Variants in SV2C observed in about 807,000 individuals in gnomAD.
The protein encoded by SV2C is synaptic vesicle glycoprotein 2C.
A neutral mutation model predicts 79.7 loss-of-function variants in SV2C; 49 were observed. The ratio of observed to expected loss-of-function variants is 0.61; its 90% CI spans 0.49 to 0.78. SV2C has a LOEUF of 0.78. Among genes scored for constraint, SV2C ranks in the 30% least tolerant of loss-of-function variants. SV2C has a pLI of 0.00. For missense variants in SV2C, 833 were observed against 912.9 expected (o/e 0.91, Z 1.13); for synonymous variants, 334 against 333.2 (o/e 1.00, Z -0.03).
intron 2 of SV2C, among the ~76,000 whole-genome samples, chr5:76,182,968 AGAG>A (rs1743793495): frequency 3.3e-5 from 5 of 149,564 alleles, no homozygotes. Flanking sequence ...ACAGAGAGAG[AGAG>A]AGAGAGTAGG....
chr5:76,158,040 T>A lies in SV2C; in HGVS notation c.580+25710T>A, dbSNP rs372081942. 2.0e-5 allele frequency among the ~76,000 whole-genome samples: 3 copies of A among 150,906 alleles called. 1 individual carries two copies. In the East Asian group the frequency reaches 5.8e-4, roughly 29 times the overall value. ...CCACTAAGAAAATGATTTTTTAAAG[T>A]AGTAAAAAAAAAATCCTTAAAGAAA... On this transcript the variant is annotated intron_variant, in intron 2 of 12. Transcript: ENST00000502798.
At chr5:75,885,860 A>G in the SV2C span, among the ~76,000 whole-genome samples, 1 of 152,108 alleles carries the variant, frequency 6.6e-6, no homozygotes, top group Non-Finnish European at 1.5e-5. Context: ...GCATGTCCCA[A>G]ATCAATGGGA....
chr5:76,213,119 C>G (rs778495157), intron 4 of SV2C, among the ~76,000 whole-genome samples: 6 of 152,062 alleles, frequency 3.9e-5, no homozygotes, highest in Non-Finnish European at 5.9e-5. Flanking sequence ...TGAGTAATGT[C>G]AATATGAAAA....
chr5:76,022,393 A>G, the SV2C span, among the ~76,000 whole-genome samples: 5 of 152,216 alleles, frequency 3.3e-5, no homozygotes, highest in African/African-American at 9.6e-5. Context: ...CATGCATTAT[A>G]ACAAATTGCA....
the SV2C span, among the ~76,000 whole-genome samples, chr5:76,042,464 CCCTT>C: frequency 6.6e-6 from 1 of 152,180 alleles, no homozygotes; most frequent in Admixed American, 6.5e-5. Context: ...AATGTTGAGG[CCCTT>C]CCTTCAAAAC....
intron 1 of SV2C, among the ~76,000 whole-genome samples, chr5:76,107,718 G>T (rs563931007): frequency 6.6e-6 from 1 of 152,100 alleles, no homozygotes; most frequent in Admixed American, 6.6e-5. Flanking sequence ...GCCAGACATG[G>T]TGGTGTGTGC....
intron 3 of SV2C, among the ~76,000 whole-genome samples, chr5:76,196,246 A>C (rs1744268315): frequency 6.6e-6 from 1 of 152,238 alleles, no homozygotes; most frequent in East Asian, 1.9e-4. Context: ...ATACTTGACT[A>C]AGTTGCACAA....
chr5:76,061,268 T>TAAAA, the SV2C span, among the ~76,000 whole-genome samples: 182 of 51,556 alleles, frequency 3.5e-3, 8 homozygotes, highest in East Asian at 0.061. Context: ...CTTCAATTTG[T>TAAAA]AAAAAAAAAA....
intron 1 of SV2C, among the ~76,000 whole-genome samples, chr5:76,100,798 T>C (rs1055456369): frequency 1.3e-5 from 2 of 152,206 alleles, no homozygotes; most frequent in African/African-American, 2.4e-5. Context: ...TCAGCACTAC[T>C]GACATTTTGG....
At chr5:76,154,064 C>T (rs991875994) in intron 2 of SV2C, among the ~76,000 whole-genome samples, 1 of 152,160 alleles carries the variant, frequency 6.6e-6, no homozygotes, top group African/African-American at 2.4e-5. Context: ...ACCACAGAGT[C>T]TGTTACCTTA....
chr5:75,850,364 T>C, the SV2C span, among the ~76,000 whole-genome samples: 1 of 152,224 alleles, frequency 6.6e-6, no homozygotes, highest in Admixed American at 6.5e-5. Context: ...TTCTATCAAT[T>C]TGTTATATAT....
At position 76,176,240 on chromosome 5, in the gene SV2C, C is replaced by A. The variant is rs544111083; in HGVS notation, c.581-18679C>A. On this transcript the variant is annotated intron_variant, in intron 2 of 12. Transcript: ENST00000502798. Reference sequence around the variant, plus strand: ...GAAAATAGGAAGTGGCCTGGAGGTTCTCAGTTCGGGGGAGAATGGTTGTGC... The same window carrying A: ...GAAAATAGGAAGTGGCCTGGAGGTTATCAGTTCGGGGGAGAATGGTTGTGC... Among the ~76,000 whole-genome samples, 18 of 152,246 alleles carry A rather than the reference C, an allele frequency of 1.2e-4. No homozygotes were observed. In the South Asian group the frequency reaches 3.7e-3, roughly 32 times the overall value.
Position 76,150,927 on chromosome 5 carries a change from A to G in SV2C, c.580+18597A>G, listed in dbSNP as rs553384717. ...AGTGTTGGCATTACAGGCTTGAAACATGGCACTCAGCCCATTCACCAGATT... is the reference window on the plus strand; with the variant it reads ...AGTGTTGGCATTACAGGCTTGAAACGTGGCACTCAGCCCATTCACCAGATT... On this transcript the variant is annotated intron_variant, in intron 2 of 12. Transcript: ENST00000502798. 1.4e-3 allele frequency among the ~76,000 whole-genome samples: 206 copies of G among 152,222 alleles called. 1 individual carries two copies. The highest frequency in any genetic ancestry group is 4.4e-3 in the African/African-American group (181 of 41,542).
At chr5:76,079,262 G>T, upstream of SV2C, 1 of 322,292 alleles carries the variant, frequency 3.1e-6, no homozygotes. Flanking sequence ...GCTTCTCAGA[G>T]GCTGAGATGG....
intron 2 of SV2C, among the ~76,000 whole-genome samples, chr5:76,186,607 G>A (rs906120917): frequency 2.6e-5 from 4 of 152,262 alleles, no homozygotes; most frequent in South Asian, 2.1e-4. Flanking sequence ...CAAGAGAATT[G>A]CTTGAATCCA....
At chr5:75,958,485 T>C in the SV2C span, among the ~76,000 whole-genome samples, 5 of 152,130 alleles carry the variant, frequency 3.3e-5, no homozygotes, top group African/African-American at 1.2e-4. Flanking sequence ...CCTTCTGTTG[T>C]AGCGACATTG....
intron 2 of SV2C, among the ~76,000 whole-genome samples, chr5:76,145,040 AGGGATTTTGTG>A (rs1327056302): frequency 3.9e-5 from 6 of 152,330 alleles, no homozygotes; most frequent in South Asian, 4.1e-4. Flanking sequence ...TACAGCCACC[AGGGATTTTGTG>A]GGGAAGATTA....
intron 4 of SV2C, among the ~76,000 whole-genome samples, chr5:76,236,564 A>G (rs372085363): frequency 1.3e-4 from 16 of 122,556 alleles, no homozygotes; most frequent in African/African-American, 9.3e-4. Flanking sequence ...CCTGTATCAA[A>G]AAAATAAAAT....
intron 4 of SV2C, among the ~76,000 whole-genome samples, chr5:76,252,508 C>A (rs940215445): frequency 3.9e-5 from 6 of 152,230 alleles, no homozygotes; most frequent in African/African-American, 1.4e-4. Context: ...GAGAACACAA[C>A]CTTCTTCTAA....
Sources: allele counts gnomAD v4.1 joint callset (sites outside exome capture counted in the v4.1 genomes callset), GRCh38; gene constraint gnomAD v4.1.1; transcripts MANE v1.5; gene names NCBI Gene and HGNC (gene_info 2026-07-23, HGNC 2026-07-21).